AP1G1: variants seen among roughly 807,000 people sequenced by gnomAD.
The protein encoded by AP1G1 is AP-1 complex subunit gamma-1.
AP1G1 carries 7 observed loss-of-function variants against 108.3 expected under a neutral mutation model. The observed-to-expected ratio is 0.06, with a 90% CI of 0.04 to 0.12. The LOEUF (loss-of-function observed/expected upper bound fraction) is 0.12, where lower values mean the gene tolerates loss of function less well. AP1G1 is among the 10% of genes least tolerant of loss of function. The pLI is 1.00. For missense variants in AP1G1, 756 were observed against 1,010.7 expected (o/e 0.75, Z 3.42); for synonymous variants, 379 against 353.5 (o/e 1.07, Z -0.81).
chr16:71,767,803 T>C lies in AP1G1; in HGVS notation c.642+1820A>G, dbSNP rs1274231376. The C allele has an allele frequency of 2.6e-5, 37 of 1,424,744 alleles. No individual in the cohort carries two copies. The East Asian group carries it at 8.0e-4, about 31-fold the overall frequency. 88.3% of individuals were successfully genotyped at this position (1,424,744 alleles called of 1,614,324 possible). On this transcript the variant is annotated intron_variant, in intron 6 of 22. Transcript: ENST00000299980. ...CATTAGTATATTTTAAAAGCCACATTTGTGGATCGATACACAAAAGCTACT... is the reference window on the plus strand; with the variant it reads ...CATTAGTATATTTTAAAAGCCACATCTGTGGATCGATACACAAAAGCTACT...
intron 19 of AP1G1, among the ~76,000 whole-genome samples, chr16:71,744,254 T>C (rs1284938718): frequency 6.6e-6 from 1 of 152,202 alleles, no homozygotes. Context: ...AAAATAAAAA[T>C]AAAAGTTGTA....
At chr16:71,784,498 T>C (rs2032131200) in intron 2 of AP1G1, among the ~76,000 whole-genome samples, 2 of 152,224 alleles carry the variant, frequency 1.3e-5, no homozygotes, top group South Asian at 4.1e-4. Context: ...CTCTTTAATG[T>C]AGATGCTGGT....
At position 71,754,329 on chromosome 16, in the gene AP1G1, GAAAAGAAAGA is replaced by G. The variant is rs548108867; in HGVS notation, c.1230-452_1230-443del. Among the ~76,000 whole-genome samples, 6 of 144,650 alleles carry G rather than the reference GAAAAGAAAGA, an allele frequency of 4.1e-5. No homozygotes were observed. In the South Asian group the frequency reaches 8.7e-4, roughly 21 times the overall value. 94.9% of individuals were successfully genotyped at this position (144,650 alleles called of 152,430 possible). A position where few individuals can be genotyped will look rare whatever the true frequency, so the allele number is the denominator to read the frequency against. On this transcript the variant is annotated intron_variant, in intron 12 of 22. Coordinates refer to ENST00000299980, the MANE Select transcript of AP1G1 (RefSeq NM_001128.6). ...GGAAGGAACAAAAAAGAGAGAGAAAGAAAAGAAAGAAAAAGAAAGAAAGAAAGAAAGGAAG... is the reference window on the plus strand; with the variant it reads ...GGAAGGAACAAAAAAGAGAGAGAAAGAAAAGAAAGAAAGAAAGAAAGGAAG...
rs774141584 is a variant in AP1G1 at position 71,769,635 on chromosome 16, C to G, written c.630G>C (p.Ala210=). The change falls in exon 6 of 23, where the codon GCG becomes GCC. Residue 210 remains alanine (A), a synonymous_variant. Coordinates refer to ENST00000299980, the MANE Select transcript of AP1G1 (RefSeq NM_001128.6). The part of the protein sequence containing the change: ...EMCERSPDML[A]HFRKLVPQLV... ...GAATGGCACCTACCTTTCTGAAATGCGCAAGCATGTCTGGGCTTCGCTCAC... is the reference window on the plus strand; with the variant it reads ...GAATGGCACCTACCTTTCTGAAATGGGCAAGCATGTCTGGGCTTCGCTCAC... The G allele has an allele frequency of 1.2e-6, 2 of 1,613,150 alleles. No individual in the cohort carries two copies. Among genetic ancestry groups the G allele is most frequent in the South Asian group, 2.2e-5 (2 of 91,040 alleles).
chr16:71,787,503 T>A (rs941948861), intron 2 of AP1G1, among the ~76,000 whole-genome samples: 6 of 152,030 alleles, frequency 3.9e-5, no homozygotes, highest in Non-Finnish European at 8.8e-5. Context: ...AAAAAAAGAA[T>A]ATGCTCTTAA....
At chr16:71,750,039 A>C in intron 14 of AP1G1, 56 bp from the exon 15 acceptor site, 1 of 1,526,174 alleles carries the variant, frequency 6.6e-7, no homozygotes, top group Non-Finnish European at 9.1e-7. Flanking sequence ...AAAGTTATTT[A>C]ATGCAAATCA....
chr16:71,745,526 GTTC>G lies in AP1G1; in HGVS notation c.1816_1818del (p.Glu606del), dbSNP rs761817508. On this transcript the variant is annotated inframe_deletion, in exon 18 of 23. Transcript: ENST00000299980. Reference sequence around the variant, plus strand: ...GGCGGTTTGGTCTCTAGTGGAGCTGGTTCTGTCTCTCCATTTGTCTGCACAATC... The same window carrying G: ...GGCGGTTTGGTCTCTAGTGGAGCTGGTGTCTCTCCATTTGTCTGCACAATC... 1.9e-6 allele frequency: 3 copies of G among 1,614,056 alleles called. No individual in the cohort carries two copies. The African/African-American group carries it at 4.0e-5, about 22-fold the overall frequency.
chr16:71,747,958 G>A (rs554256830), intron 16 of AP1G1, among the ~76,000 whole-genome samples: 1 of 152,332 alleles, frequency 6.6e-6, no homozygotes, highest in African/African-American at 2.4e-5. Flanking sequence ...ACCCCATCCT[G>A]GGTAAGAGAG....
intron 1 of AP1G1, among the ~76,000 whole-genome samples, chr16:71,800,474 G>C (rs1412410388): frequency 1.3e-5 from 2 of 151,496 alleles, no homozygotes; most frequent in East Asian, 3.9e-4. Context: ...GTGAGGTCGG[G>C]AGTTCAAAAC....
intron 1 of AP1G1, among the ~76,000 whole-genome samples, chr16:71,798,745 G>A (rs751600869): frequency 1.1e-4 from 17 of 151,892 alleles, no homozygotes; most frequent in South Asian, 2.1e-4. Flanking sequence ...AAAATTAGCC[G>A]GGCATGGTGG....
At chr16:71,739,201 T>C in intron 20 of AP1G1, 33 bp downstream of exon 20, 1 of 1,602,004 alleles carries the variant, frequency 6.2e-7, no homozygotes, top group African/African-American at 1.3e-5. Flanking sequence ...TACTCAGTGC[T>C]CCATGTAATG....
chr16:71,767,977 T>C, intron 6 of AP1G1: 1 of 1,392,210 alleles, frequency 7.2e-7, no homozygotes, highest in South Asian at 1.2e-5. Context: ...TATATTACAA[T>C]AATTTAATCA....
At chr16:71,768,500 C>CAAAAAAAAAAAAAAAAA (rs527404594) in intron 6 of AP1G1, among the ~76,000 whole-genome samples, 2 of 83,700 alleles carry the variant, frequency 2.4e-5, no homozygotes, top group South Asian at 5.0e-4. Context: ...GACTCCGCCA[C>CAAAAAAAAAAAAAAAAA]AAAAAAAAAA....
At chr16:71,744,739 C>G (rs1821919410) in intron 19 of AP1G1, among the ~76,000 whole-genome samples, 1 of 151,906 alleles carries the variant, frequency 6.6e-6, no homozygotes, top group African/African-American at 2.4e-5. Context: ...CTTCACCCGG[C>G]TAATTGTTGT....
At position 71,732,000 on chromosome 16, in the gene AP1G1, G is replaced by T. The variant is rs963788860; in HGVS notation, c.*1058C>A. ...AAGCCAGGCTCAAGAAATAAAAAGG[G>T]AGGTTTGGAGTAATAGATAAGATGA... On this transcript the variant is annotated 3_prime_UTR_variant, in exon 23 of 23. Transcript: ENST00000299980. 6.6e-6 allele frequency: 1 copy of T among 152,600 alleles called. No individual in the cohort carries two copies. Among genetic ancestry groups the T allele is most frequent in the Non-Finnish European group, 1.5e-5 (1 of 68,050 alleles). The allele number at this position is 152,600 out of a possible 1,614,324, so 9.5% of individuals were successfully genotyped here.
At chr16:71,798,530 A>G (rs1408113213) in intron 1 of AP1G1, among the ~76,000 whole-genome samples, 3 of 151,964 alleles carry the variant, frequency 2.0e-5, no homozygotes, top group Non-Finnish European at 4.4e-5. Flanking sequence ...TCAGAAACCA[A>G]AGAGGAAAAG....
At chr16:71,806,902 C>T (rs1357286734) in intron 1 of AP1G1, among the ~76,000 whole-genome samples, 3 of 152,168 alleles carry the variant, frequency 2.0e-5, no homozygotes, top group Non-Finnish European at 4.4e-5. Context: ...AATTTATCTA[C>T]AATCTCATTT....
intron 1 of AP1G1, among the ~76,000 whole-genome samples, chr16:71,796,746 G>A (rs180842497): frequency 1.7e-4 from 26 of 152,162 alleles, no homozygotes; most frequent in African/African-American, 6.0e-4. Context: ...TCCCTAAATT[G>A]TCACAGTAAT....
rs377002052 is a variant in AP1G1 at position 71,734,705 on chromosome 16, T to C, written c.2271A>G (p.Thr757=). The part of the protein sequence containing the change: ...DFVFQAAVPK[T]FQLQLLSPSS... Reference sequence around the variant, plus strand: ...TAGGAGACAAGAGCTGCAGCTGGAATGTCTAGGGGGGAACAAAGGGCACTC... The same window carrying C: ...TAGGAGACAAGAGCTGCAGCTGGAACGTCTAGGGGGGAACAAAGGGCACTC... Residue 757 remains threonine (T), a splice_region_variant and synonymous_variant, in exon 22 of 23, where the codon ACA becomes ACG. Coordinates refer to ENST00000299980, the MANE Select transcript of AP1G1 (RefSeq NM_001128.6). The C allele has an allele frequency of 5.1e-5, 82 of 1,613,140 alleles. No individual in the cohort carries two copies. The highest frequency in any genetic ancestry group is 6.5e-5 in the Non-Finnish European group (77 of 1,179,212).
Sources: allele counts gnomAD v4.1 joint callset (sites outside exome capture counted in the v4.1 genomes callset), GRCh38; gene constraint gnomAD v4.1.1; transcripts MANE v1.5; gene names NCBI Gene and HGNC (gene_info 2026-07-23, HGNC 2026-07-21).